Variants in ASIC2 observed in about 807,000 individuals in gnomAD.
ASIC2 encodes the protein acid sensing ion channel subunit 2.
In ASIC2, 25 loss-of-function variants were observed where a neutral mutation model predicts 57.3. That is an observed-to-expected ratio of 0.44 (90% confidence interval 0.32 to 0.61). ASIC2 has a LOEUF of 0.61. Among genes scored for constraint, ASIC2 ranks in the 20% least tolerant of loss-of-function variants. The pLI is 0.06. For synonymous variants in ASIC2, 319 were observed against 307.5 expected (o/e 1.04, Z -0.39); for missense variants, 641 against 738.1 (o/e 0.87, Z 1.52).
chr17:33,694,092 A>G (rs1162946446), intron 1 of ASIC2, among the ~76,000 whole-genome samples: 3 of 152,120 alleles, frequency 2.0e-5, no homozygotes, highest in African/African-American at 4.8e-5. Flanking sequence ...TTTTTTCCCA[A>G]TGCAGTGTTT....
At chr17:33,053,516 A>G (rs1488019185) in intron 3 of ASIC2, among the ~76,000 whole-genome samples, 1 of 152,156 alleles carries the variant, frequency 6.6e-6, no homozygotes, top group Non-Finnish European at 1.5e-5. Context: ...AGTCAATGTA[A>G]GCATCCCTTC....
chr17:33,654,051 T>C (rs2142040733), intron 1 of ASIC2, among the ~76,000 whole-genome samples: 1 of 152,346 alleles, frequency 6.6e-6, no homozygotes, highest in Admixed American at 6.5e-5. Flanking sequence ...CTTTCTACTA[T>C]ATTTAACATA....
At chr17:33,244,927 C>T (rs1908637271) in intron 1 of ASIC2, among the ~76,000 whole-genome samples, 2 of 152,226 alleles carry the variant, frequency 1.3e-5, no homozygotes, top group South Asian at 2.1e-4. Context: ...GGGTCTGCCA[C>T]TGTGTGATCT....
rs148527418 is a variant in ASIC2, at chr17:33,863,445, A to T, written c.555+292533T>A. Among the ~76,000 whole-genome samples, 188 of 152,340 alleles carry T rather than the reference A, an allele frequency of 1.2e-3. 1 individual carries two copies. Among genetic ancestry groups the T allele is most frequent in the African/African-American group, 4.2e-3 (176 of 41,576 alleles). On this transcript the variant is annotated intron_variant, in intron 1 of 9. Transcript: ENST00000359872. ...GAACTAAAACACTGGGGAGCACTGG[A>T]CAGAAAAGCTAAGGTTGGGAATGAC... is the stretch of plus-strand genomic sequence containing the variant.
At chr17:33,735,483 A>G (rs947595519) in intron 1 of ASIC2, among the ~76,000 whole-genome samples, 4 of 152,194 alleles carry the variant, frequency 2.6e-5, no homozygotes, top group Admixed American at 2.0e-4. Context: ...TTAGAATGGA[A>G]TCAAGGAAAA....
chr17:33,991,458 A>G (rs543181442), intron 1 of ASIC2, among the ~76,000 whole-genome samples: 1 of 152,316 alleles, frequency 6.6e-6, no homozygotes, highest in East Asian at 1.9e-4. Context: ...GCCACCGGCT[A>G]CATGTGCACA....
intron 1 of ASIC2, among the ~76,000 whole-genome samples, chr17:33,872,202 G>C (rs995898263): frequency 6.6e-6 from 1 of 152,132 alleles, no homozygotes; most frequent in African/African-American, 2.4e-5. Flanking sequence ...AGCCCAGCCT[G>C]AGAATCTTGG....
At chr17:33,083,136 A>C (rs1370609707) in intron 3 of ASIC2, among the ~76,000 whole-genome samples, 1 of 152,188 alleles carries the variant, frequency 6.6e-6, no homozygotes, top group Non-Finnish European at 1.5e-5. Context: ...ATTAGAGTAT[A>C]ACATTGGATT....
intron 1 of ASIC2, among the ~76,000 whole-genome samples, chr17:33,448,710 G>A (rs891265435): frequency 6.6e-6 from 1 of 152,230 alleles, no homozygotes; most frequent in African/African-American, 2.4e-5. Context: ...CTGGCCTCCA[G>A]AACTGTGAAA....
intron 1 of ASIC2, chr17:34,001,230 T>C (rs949764835): frequency 6.6e-6 from 1 of 152,220 alleles, no homozygotes; most frequent in Non-Finnish European, 1.5e-5. Flanking sequence ...CTTCAGCAAG[T>C]TAATCTCTTC....
At chr17:33,310,122 C>T (rs545500771) in intron 1 of ASIC2, among the ~76,000 whole-genome samples, 1 of 151,324 alleles carries the variant, frequency 6.6e-6, no homozygotes, top group South Asian at 2.1e-4. Flanking sequence ...TCATTGAAGC[C>T]TGGGTGTTTT....
At chr17:34,109,476 T>C (rs552343343) in intron 1 of ASIC2, among the ~76,000 whole-genome samples, 1 of 152,334 alleles carries the variant, frequency 6.6e-6, no homozygotes, top group Admixed American at 6.5e-5. Flanking sequence ...GATCTTAGAA[T>C]ATGAGAATCA....
In ASIC2 at chr17:34,018,832, T is replaced by C. The variant is rs141824413; in HGVS notation, c.555+137146A>G. On this transcript the variant is annotated intron_variant, in intron 1 of 9. Coordinates refer to the ASIC2 transcript ENST00000359872. ...CACTGTAGTTCTCACATTGACTGAA[T>C]TGCTGCAATCTCATGATATAATCTT... 2.6e-5 allele frequency among the ~76,000 whole-genome samples: 4 copies of C among 152,348 alleles called. No homozygotes were observed. The East Asian group carries it at 5.8e-4, about 22-fold the overall frequency.
chr17:33,122,732 G>A lies in ASIC2; in HGVS notation c.709-10665C>T, dbSNP rs556266543. On this transcript the variant is annotated intron_variant, in intron 1 of 9. Transcript: ENST00000225823. ...GAAATATACACTCTTATTAACTATA[G>A]TCACCATGCTGTGCAACAGAATACC... Among the ~76,000 whole-genome samples, 83 of 152,178 alleles carry A rather than the reference G, an allele frequency of 5.5e-4. 1 individual carries two copies. The South Asian group carries it at 0.015, about 27-fold the overall frequency.
At chr17:33,769,845 G>A (rs546816417) in intron 1 of ASIC2, among the ~76,000 whole-genome samples, 20 of 152,296 alleles carry the variant, frequency 1.3e-4, no homozygotes, top group Non-Finnish European at 2.4e-4. Context: ...TCTTCTCACT[G>A]TGTCCTCACA....
intron 1 of ASIC2, among the ~76,000 whole-genome samples, chr17:33,114,245 C>T (rs565915064): frequency 6.6e-6 from 1 of 152,242 alleles, no homozygotes; most frequent in Non-Finnish European, 1.5e-5. Flanking sequence ...TTCAAAGAAC[C>T]AAGTTTTTTC....
At chr17:33,877,627 G>A (rs968851300) in intron 1 of ASIC2, among the ~76,000 whole-genome samples, 3 of 152,224 alleles carry the variant, frequency 2.0e-5, no homozygotes, top group African/African-American at 7.2e-5. Context: ...GAACTGGGTG[G>A]AGCCCACTGC....
At chr17:34,021,238 G>A (rs1023743853) in intron 1 of ASIC2, among the ~76,000 whole-genome samples, 1 of 150,818 alleles carries the variant, frequency 6.6e-6, no homozygotes, top group Admixed American at 6.6e-5. Context: ...GAAACCTATT[G>A]AAATAACAAA....
At chr17:33,635,247 C>T (rs987989586) in intron 1 of ASIC2, among the ~76,000 whole-genome samples, 4 of 152,174 alleles carry the variant, frequency 2.6e-5, no homozygotes, top group Non-Finnish European at 5.9e-5. Flanking sequence ...ATAATAATAA[C>T]GTAGCTAAGA....
Sources: gnomAD v4.1 joint callset for allele counts (sites outside exome capture counted in the v4.1 genomes callset) on GRCh38, gnomAD v4.1.1 for gene constraint, MANE v1.5 for transcripts, NCBI Gene and HGNC (gene_info 2026-07-23, HGNC 2026-07-21) for gene names.